Variants in ZNF791 observed in about 807,000 individuals in gnomAD.
The protein encoded by ZNF791 is zinc finger protein 791.
A neutral mutation model predicts 11.5 loss-of-function variants in ZNF791; 4 were observed. The observed-to-expected ratio is 0.35, with a 90% confidence interval of 0.17 to 0.80. The LOEUF (loss-of-function observed/expected upper bound fraction) is 0.80, where lower values mean the gene tolerates loss of function less well. Among genes scored for constraint, ZNF791 ranks in the 30% least tolerant of loss-of-function variants. ZNF791 has a pLI of 0.53. For synonymous variants in ZNF791, 212 were observed against 228.1 expected (o/e 0.93, Z 0.64); for missense variants, 559 against 699.4 (o/e 0.80, Z 2.26).
chr19:12,631,257 A>G lies in ZNF791; in HGVS notation c.*1997A>G, dbSNP rs1568292016. The G allele has an allele frequency of 1.3e-5, 2 of 152,238 alleles. No individual in the cohort carries two copies. Among genetic ancestry groups the G allele is most frequent in the Non-Finnish European group, 2.9e-5 (2 of 68,048 alleles). The allele number at this position is 152,238 out of a possible 1,614,324, so 9.4% of individuals were successfully genotyped here. A position where few individuals can be genotyped will look rare whatever the true frequency, so the allele number is the denominator to read the frequency against. ...TAGCCTAGTAGCAATAGACTGTACCATATAGTCTAGATGTGTTGTAGCTAT... is the reference window on the plus strand; with the variant it reads ...TAGCCTAGTAGCAATAGACTGTACCGTATAGTCTAGATGTGTTGTAGCTAT... On this transcript the variant is annotated 3_prime_UTR_variant, in exon 4 of 4. Coordinates refer to ENST00000343325, the MANE Select transcript of ZNF791 (RefSeq NM_153358.3).
chr19:12,610,940 T>C lies in ZNF791; in HGVS notation c.-140T>C, dbSNP rs2023145832. 18 of 1,194,292 alleles carry C rather than the reference T, an allele frequency of 1.5e-5. No homozygotes were observed. The South Asian group carries it at 2.3e-4, about 15-fold the overall frequency. 74.0% of individuals were successfully genotyped at this position (1,194,292 alleles called of 1,614,324 possible). On this transcript the variant is annotated 5_prime_UTR_variant, in exon 1 of 4. Transcript: ENST00000343325. ...TGCGCAAATGCGTGCTACGTCACTG[T>C]GCGATCGGGTTGTGCTTAGCTTGGG... is the stretch of plus-strand genomic sequence containing the variant.
At position 12,629,412 on chromosome 19, in the gene ZNF791, A is replaced by G. The variant is rs760970152; in HGVS notation, c.*152A>G. On this transcript the variant is annotated 3_prime_UTR_variant, in exon 4 of 4. Transcript: ENST00000343325. ...TGATTCATGTATAGTCAGGTACCAC[A>G]TAATCATGTTTCAGTCAGCAATGGA... 107 of 571,974 alleles carry G rather than the reference A, an allele frequency of 1.9e-4. No homozygotes were observed. The highest frequency in any genetic ancestry group is 2.8e-4 in the Non-Finnish European group (101 of 357,032). 35.4% of individuals were successfully genotyped at this position (571,974 alleles called of 1,614,324 possible).
rs976821578 is a variant in ZNF791, at chr19:12,611,162, G to C, written c.3+80G>C. 2.5e-6 allele frequency: 4 copies of C among 1,577,532 alleles called. No homozygotes were observed. In the African/African-American group the frequency reaches 5.4e-5, roughly 21 times the overall value. On this transcript the variant is annotated intron_variant, in intron 1 of 3. Coordinates refer to ENST00000343325, the MANE Select transcript of ZNF791 (RefSeq NM_153358.3). Reference sequence around the variant, plus strand: ...CTCCCCACGGTCACCTCCGGCCGCAGTGTGGGGCTGGGCTGGCAGCTGGAA... The same window carrying C: ...CTCCCCACGGTCACCTCCGGCCGCACTGTGGGGCTGGGCTGGCAGCTGGAA...
Position 12,628,979 on chromosome 19 carries a change from C to A in ZNF791, c.1450C>A (p.Arg484=). 6.2e-7 allele frequency: 1 copy of A among 1,613,920 alleles called. No homozygotes were observed. Among genetic ancestry groups the A allele is most frequent in the Non-Finnish European group, 8.5e-7 (1 of 1,179,966 alleles). The change falls in exon 4 of 4, where the codon CGG becomes AGG. Residue 484 remains arginine (R), a synonymous_variant. Transcript: ENST00000343325. The part of the protein sequence containing the change: ...GKAFSCSSYI[R]IHKRTHTGEK... ...AGCCTTTAGTTGTTCTAGTTACATTCGGATACATAAAAGAACTCACACTGG... is the reference window on the plus strand; with the variant it reads ...AGCCTTTAGTTGTTCTAGTTACATTAGGATACATAAAAGAACTCACACTGG...
At chr19:12,625,784 C>CAAA (rs781019678) in intron 3 of ZNF791, among the ~76,000 whole-genome samples, 1 of 81,832 alleles carries the variant, frequency 1.2e-5, no homozygotes, top group Non-Finnish European at 2.6e-5. Context: ...GACTCCATCT[C>CAAA]AAAAAAAAAA....
At chr19:12,621,468 C>T (rs1363341333) in intron 1 of ZNF791, among the ~76,000 whole-genome samples, 1 of 138,738 alleles carries the variant, frequency 7.2e-6, no homozygotes, top group East Asian at 2.0e-4. Flanking sequence ...GTCGCTCATG[C>T]CTGTAATGCC....
Position 12,633,771 on chromosome 19 carries a change from T to G in ZNF791, c.*4511T>G, listed in dbSNP as rs2023525661. 1 of 151,556 alleles carries G rather than the reference T, an allele frequency of 6.6e-6. No homozygotes were observed. Among genetic ancestry groups the G allele is most frequent in the South Asian group, 2.1e-4 (1 of 4,820 alleles). 9.4% of individuals were successfully genotyped at this position (151,556 alleles called of 1,614,324 possible). A position where few individuals can be genotyped will look rare whatever the true frequency, so the allele number is the denominator to read the frequency against. ...ATGGTTCTTGTTCTGTTAATGCCAC[T>G]AGGGACTATGTATTCCTGATTCCAC... On this transcript the variant is annotated 3_prime_UTR_variant, in exon 4 of 4. Coordinates refer to ENST00000343325, the MANE Select transcript of ZNF791 (RefSeq NM_153358.3).
intron 3 of ZNF791, 135 bp downstream of exon 3, chr19:12,624,845 C>G (rs995093817): frequency 1.2e-5 from 6 of 480,824 alleles, no homozygotes; most frequent in African/African-American, 1.2e-4. Flanking sequence ...GTCAGGAGTT[C>G]AAGACCAGCC....
At position 12,632,979 on chromosome 19, in the gene ZNF791, C is replaced by T. The variant is rs1267818090; in HGVS notation, c.*3719C>T. 6.6e-6 allele frequency: 1 copy of T among 151,876 alleles called. No homozygotes were observed. The highest frequency in any genetic ancestry group is 1.5e-5 in the Non-Finnish European group (1 of 68,042). 9.4% of individuals were successfully genotyped at this position (151,876 alleles called of 1,614,324 possible). On this transcript the variant is annotated 3_prime_UTR_variant, in exon 4 of 4. Transcript: ENST00000343325. ...GCATGGTGGCGGGCGTCTGTAGTCCCAGCTACTCAGGAGTCTGAGGCAGGA... is the reference window on the plus strand; with the variant it reads ...GCATGGTGGCGGGCGTCTGTAGTCCTAGCTACTCAGGAGTCTGAGGCAGGA...
At position 12,624,674 on chromosome 19, in the gene ZNF791, T is replaced by A; in HGVS notation, c.155T>A (p.Val52Asp). The change falls in exon 3 of 4, where the codon GTT becomes GAT. Residue 52 changes from valine (V) to aspartate (D), a missense_variant. Val to Asp is a radical substitution (Grantham distance 152). Transcript: ENST00000343325. ...SIGEKWEDPN[V>D]EDQHKNQGRN... The stretch of plus-strand genomic sequence containing the variant: ...GGGGAAAAATGGGAAGACCCGAATG[T>A]TGAAGATCAACACAAAAACCAAGGA... The A allele has an allele frequency of 1.2e-6, 2 of 1,608,454 alleles. No individual in the cohort carries two copies. The highest frequency in any genetic ancestry group is 1.7e-4 in the Middle Eastern group (1 of 5,980).
intron 1 of ZNF791, among the ~76,000 whole-genome samples, chr19:12,618,774 A>C (rs2023284688): frequency 6.7e-6 from 1 of 149,698 alleles, no homozygotes; most frequent in Non-Finnish European, 1.5e-5. Flanking sequence ...AAAATAAATA[A>C]ATAAATAATT....
Position 12,610,983 on chromosome 19 carries a change from C to T in ZNF791, c.-97C>T. The stretch of plus-strand genomic sequence containing the variant: ...AGCTTGGGGTCTCCTGGCCCCTTGA[C>T]GCGTCAGGTTGCTGTACCCCTGCAT... On this transcript the variant is annotated 5_prime_UTR_variant, in exon 1 of 4. It adds an upstream start codon to the 5' untranslated region. Transcript: ENST00000343325. 2 of 1,531,298 alleles carry T rather than the reference C, an allele frequency of 1.3e-6. No homozygotes were observed. Among genetic ancestry groups the T allele is most frequent in the Non-Finnish European group, 1.8e-6 (2 of 1,106,638 alleles). 94.9% of individuals were successfully genotyped at this position (1,531,298 alleles called of 1,614,324 possible). A position where few individuals can be genotyped will look rare whatever the true frequency, so the allele number is the denominator to read the frequency against.
In ZNF791 at chr19:12,627,946, A is replaced by G. The variant is rs918181465; in HGVS notation, c.417A>G (p.Lys139=). The change falls in exon 4 of 4, where the codon AAA becomes AAG. Residue 139 remains lysine, a synonymous_variant. Coordinates refer to ENST00000343325, the MANE Select transcript of ZNF791 (RefSeq NM_153358.3). The part of the protein sequence containing the change: ...EKPYKCKECE[K]AFSYLKSFQR... ...CATATAAATGTAAGGAGTGTGAGAA[A>G]GCCTTTAGTTATCTCAAATCCTTTC... 5 of 1,614,022 alleles carry G rather than the reference A, an allele frequency of 3.1e-6. No individual in the cohort carries two copies. In the African/African-American group the frequency reaches 5.3e-5, roughly 17 times the overall value.
At chr19:12,622,407 CAAACA>C (rs1378183535) in intron 1 of ZNF791, among the ~76,000 whole-genome samples, 2 of 28,032 alleles carry the variant, frequency 7.1e-5, no homozygotes, top group African/African-American at 2.7e-4. Flanking sequence ...AAGACTGTCT[CAAACA>C]AAAAAAAAAA....
At position 12,624,777 on chromosome 19, in the gene ZNF791, C is replaced by T. The variant is rs560063803; in HGVS notation, c.191+67C>T. 5.6e-5 allele frequency: 71 copies of T among 1,260,642 alleles called. No homozygotes were observed. The African/African-American group carries it at 8.8e-4, about 16-fold the overall frequency. The allele number at this position is 1,260,642 out of a possible 1,614,324, so 78.1% of individuals were successfully genotyped here. ...ATCTTAAAAATGTTATGGCCGGGCA[C>T]GGTGGCTCACACCTGTAATCTCAGC... On this transcript the variant is annotated intron_variant, in intron 3 of 3. Coordinates refer to ENST00000343325, the MANE Select transcript of ZNF791 (RefSeq NM_153358.3).
chr19:12,626,289 A>G (rs1254707725), intron 3 of ZNF791, among the ~76,000 whole-genome samples: 1 of 151,850 alleles, frequency 6.6e-6, no homozygotes, highest in Non-Finnish European at 1.5e-5. Flanking sequence ...TGCTGGGATT[A>G]CAGGCGTGAG....
chr19:12,626,767 G>A (rs1319821279), intron 3 of ZNF791, among the ~76,000 whole-genome samples: 1 of 150,758 alleles, frequency 6.6e-6, no homozygotes, highest in African/African-American at 2.4e-5. Flanking sequence ...ACCACGCCCG[G>A]CTAATTTTTT....
Position 12,627,730 on chromosome 19 carries a change from G to C in ZNF791, c.201G>C (p.Thr67=). The C allele has an allele frequency of 6.2e-7, 1 of 1,608,778 alleles. No homozygotes were observed. The change falls in exon 4 of 4, where the codon ACG becomes ACC. Residue 67 remains threonine, a synonymous_variant. Coordinates refer to ENST00000343325, the MANE Select transcript of ZNF791 (RefSeq NM_153358.3). The part of the protein sequence containing the change: ...KNQGRNLRSH[T]GERLCEGKEG... ...TTCTAATTTTTTACAGAAGCCATACGGGAGAGAGACTCTGTGAAGGTAAAG... is the reference window on the plus strand; with the variant it reads ...TTCTAATTTTTTACAGAAGCCATACCGGAGAGAGACTCTGTGAAGGTAAAG...
Position 12,628,643 on chromosome 19 carries a change from C to G in ZNF791, c.1114C>G (p.Arg372Gly). 6.2e-7 allele frequency: 1 copy of G among 1,605,444 alleles called. No individual in the cohort carries two copies. Among genetic ancestry groups the G allele is most frequent in the Non-Finnish European group, 8.5e-7 (1 of 1,176,490 alleles). Residue 372 changes from arginine (R) to glycine (G), a missense_variant, in exon 4 of 4, where the codon CGA becomes GGA. Physicochemically the swap from Arg to Gly is moderately radical, Grantham distance 125. Transcript: ENST00000343325. ...AGCCTTTAGTAGAATCAGTTACTTT[C>G]GAATACATGAAAGGACTCACACTGG... The part of the protein sequence containing the change: ...GKAFSRISYF[R>G]IHERTHTGEK...
Sources: gnomAD v4.1 joint callset for allele counts (sites outside exome capture counted in the v4.1 genomes callset) on GRCh38, gnomAD v4.1.1 for gene constraint, MANE v1.5 for transcripts, NCBI Gene and HGNC (gene_info 2026-07-23, HGNC 2026-07-21) for gene names.